Variants in ANO10 observed in about 807,000 individuals in gnomAD.
The protein encoded by ANO10 is anoctamin 10.
Under a neutral mutation model 74.7 loss-of-function variants are expected in ANO10, and 77 were observed. The ratio of observed to expected loss-of-function variants is 1.03; its 90% CI spans 0.86 to 1.25. The LOEUF (loss-of-function observed/expected upper bound fraction) is 1.25. Among genes scored for constraint, ANO10 ranks in the 50% most tolerant of loss-of-function variants. ANO10 has a pLI of 0.00. For synonymous variants in ANO10, 279 were observed against 284.9 expected (o/e 0.98, Z 0.21); for missense variants, 721 against 778.1 (o/e 0.93, Z 0.87).
intron 8 of ANO10, among the ~76,000 whole-genome samples, chr3:43,565,413 T>C (rs547690476): frequency 6.6e-5 from 10 of 152,214 alleles, no homozygotes; most frequent in Non-Finnish European, 1.2e-4. Flanking sequence ...AGGTGAACTA[T>C]ATAATTGATT....
intron 12 of ANO10, among the ~76,000 whole-genome samples, chr3:43,368,418 T>C (rs1452966791): frequency 1.3e-5 from 2 of 152,140 alleles, no homozygotes; most frequent in African/African-American, 2.4e-5. Context: ...AAGATTTCTA[T>C]AACCTTCATC....
chr3:43,671,930 CATA>C (rs2084063977), intron 1 of ANO10, among the ~76,000 whole-genome samples: 3 of 152,174 alleles, frequency 2.0e-5, no homozygotes, highest in Non-Finnish European at 1.5e-5. Flanking sequence ...TTAGCTATTA[CATA>C]CATTCATCAG....
intron 11 of ANO10, among the ~76,000 whole-genome samples, chr3:43,436,337 A>G (rs1182857649): frequency 6.6e-6 from 1 of 152,164 alleles, no homozygotes; most frequent in Non-Finnish European, 1.5e-5. Flanking sequence ...AAACACTCAA[A>G]ATGAACAGAG....
At chr3:43,537,854 G>A (rs2078784396) in intron 11 of ANO10, among the ~76,000 whole-genome samples, 1 of 152,018 alleles carries the variant, frequency 6.6e-6, no homozygotes. Context: ...TAAGCACCCT[G>A]GAGTCCACAA....
intron 12 of ANO10, among the ~76,000 whole-genome samples, chr3:43,387,674 A>G (rs1182534182): frequency 3.3e-5 from 5 of 152,208 alleles, no homozygotes; most frequent in Non-Finnish European, 7.3e-5. Context: ...AGTGGAAGCC[A>G]TTTCAGGATC....
At chr3:43,518,857 T>C (rs2077824864) in intron 11 of ANO10, among the ~76,000 whole-genome samples, 1 of 152,176 alleles carries the variant, frequency 6.6e-6, no homozygotes, top group Non-Finnish European at 1.5e-5. Flanking sequence ...CAGTGGGACA[T>C]GAAACTTCAT....
intron 1 of ANO10, among the ~76,000 whole-genome samples, chr3:43,681,812 C>T (rs2084205587): frequency 6.6e-6 from 1 of 152,202 alleles, no homozygotes; most frequent in African/African-American, 2.4e-5. Context: ...AACTGAACAA[C>T]CTGCTCCTGA....
intron 12 of ANO10, among the ~76,000 whole-genome samples, chr3:43,377,278 G>C (rs569566760): frequency 6.6e-6 from 1 of 152,072 alleles, no homozygotes; most frequent in Admixed American, 6.5e-5. Flanking sequence ...GTAGAGATGG[G>C]GTTTCACCAT....
chr3:43,546,192 TA>T (rs752820409), intron 11 of ANO10, among the ~76,000 whole-genome samples: 14 of 152,194 alleles, frequency 9.2e-5, no homozygotes, highest in Non-Finnish European at 2.1e-4. Context: ...TCTGTGCCAA[TA>T]TAATCCAACT....
In ANO10 at chr3:43,526,376, G is replaced by A. The variant is rs562156670; in HGVS notation, c.1797+23344C>T. Among the ~76,000 whole-genome samples, 8 of 152,312 alleles carry A rather than the reference G, an allele frequency of 5.3e-5. 1 individual carries two copies. The South Asian group carries it at 1.7e-3, about 32-fold the overall frequency. On this transcript the variant is annotated intron_variant, in intron 11 of 12. Transcript: ENST00000292246. Reference sequence around the variant, plus strand: ...ACACTAGAAACAGGGCCTCTGTGGAGTCTTGTGGCTCTCTGCCAGCCACGG... The same window carrying A: ...ACACTAGAAACAGGGCCTCTGTGGAATCTTGTGGCTCTCTGCCAGCCACGG...
intron 10 of ANO10, among the ~76,000 whole-genome samples, chr3:43,553,562 A>T (rs2079589905): frequency 7.1e-6 from 1 of 141,760 alleles, no homozygotes; most frequent in Non-Finnish European, 1.5e-5. Context: ...TTTGAGATGG[A>T]GTCCCACACT....
intron 1 of ANO10, among the ~76,000 whole-genome samples, chr3:43,620,859 T>C (rs1017652336): frequency 2.0e-5 from 3 of 152,248 alleles, no homozygotes; most frequent in Non-Finnish European, 2.9e-5. Flanking sequence ...TTATTTTAGA[T>C]CTTTCAAATT....
chr3:43,530,048 A>C (rs2149245310), intron 11 of ANO10, among the ~76,000 whole-genome samples: 1 of 152,296 alleles, frequency 6.6e-6, no homozygotes, highest in Admixed American at 6.5e-5. Context: ...ACTTAGAGTG[A>C]TTCAGAAAGG....
intron 1 of ANO10, among the ~76,000 whole-genome samples, chr3:43,678,634 G>C (rs947116141): frequency 6.6e-6 from 1 of 152,136 alleles, no homozygotes; most frequent in African/African-American, 2.4e-5. Flanking sequence ...GCCTTTAAAA[G>C]GGACAGAACT....
At chr3:43,492,420 A>G (rs957332398) in intron 11 of ANO10, among the ~76,000 whole-genome samples, 1 of 152,240 alleles carries the variant, frequency 6.6e-6, no homozygotes, top group African/African-American at 2.4e-5. Flanking sequence ...CAGTGGCAAC[A>G]AAAGCCAAAA....
intron 5 of ANO10, among the ~76,000 whole-genome samples, chr3:43,578,261 C>T (rs2081103550): frequency 6.6e-6 from 1 of 152,156 alleles, no homozygotes; most frequent in South Asian, 2.1e-4. Context: ...AACATCCGAT[C>T]ATTTCTTTTT....
At chr3:43,628,888 G>C (rs1360357437) in intron 1 of ANO10, among the ~76,000 whole-genome samples, 2 of 152,168 alleles carry the variant, frequency 1.3e-5, no homozygotes, top group Non-Finnish European at 2.9e-5. Flanking sequence ...TGACAATGGT[G>C]CCCGAAACTT....
intron 1 of ANO10, among the ~76,000 whole-genome samples, chr3:43,611,309 A>C (rs1419691629): frequency 1.3e-5 from 2 of 152,210 alleles, no homozygotes; most frequent in Non-Finnish European, 2.9e-5. Flanking sequence ...GCCACCTACC[A>C]ATCCAGAATA....
At chr3:43,430,206 G>T (rs1258053761) in intron 12 of ANO10, among the ~76,000 whole-genome samples, 1 of 151,760 alleles carries the variant, frequency 6.6e-6, no homozygotes, top group East Asian at 1.9e-4. Context: ...TAAAGATATT[G>T]ACTTTGTTAT....
Sources: gnomAD v4.1 joint callset for allele counts (sites outside exome capture counted in the v4.1 genomes callset) on GRCh38, gnomAD v4.1.1 for gene constraint, MANE v1.5 for transcripts, NCBI Gene and HGNC (gene_info 2026-07-23, HGNC 2026-07-21) for gene names.